NECAB2: variants seen among roughly 807,000 people sequenced by gnomAD.
NECAB2 encodes N-terminal EF-hand calcium-binding protein 2.
In NECAB2, 68 loss-of-function variants were observed where a neutral mutation model predicts 51.9. That is an observed-to-expected ratio of 1.31 (90% confidence interval 1.08 to 1.60). The LOEUF is 1.60. NECAB2 is among the 40% of genes most tolerant of loss of function. NECAB2 has a pLI of 0.00. For missense variants in NECAB2, 854 were observed against 490.3 expected (o/e 1.74, Z -7.00); for synonymous variants, 329 against 203.5 (o/e 1.62, Z -5.25).
At chr16:83,989,618 A>G (rs976885252) in intron 5 of NECAB2, among the ~76,000 whole-genome samples, 1 of 152,130 alleles carries the variant, frequency 6.6e-6, no homozygotes, top group Non-Finnish European at 1.5e-5. Context: ...TGGGAGACCC[A>G]AGATCCCCCA....
chr16:84,001,849 G>C lies in NECAB2; in HGVS notation c.1065G>C (p.Lys355Asn). 2.5e-6 allele frequency: 4 copies of C among 1,614,138 alleles called. No individual in the cohort carries two copies. Among genetic ancestry groups the C allele is most frequent in the Non-Finnish European group, 3.4e-6 (4 of 1,179,990 alleles). Reference protein sequence around the residue: ...WKRHLQSPLCKAFRHVKVDTL... With the variant: ...WKRHLQSPLCNAFRHVKVDTL... ...GGCACCTGCAGAGCCCCCTGTGTAAGGCGTTCCGGCACGTCAAGGTGGACA... is the reference window on the plus strand; with the variant it reads ...GGCACCTGCAGAGCCCCCTGTGTAACGCGTTCCGGCACGTCAAGGTGGACA... Residue 355 changes from lysine (K) to asparagine (N), a missense_variant, in exon 12 of 13, where the codon AAG (lysine) becomes AAC (asparagine). Coordinates refer to ENST00000305202, the MANE Select transcript of NECAB2 (RefSeq NM_019065.3).
chr16:83,994,519 G>T, intron 7 of NECAB2, 90 bp from the exon 8 acceptor site: 1 of 1,595,046 alleles, frequency 6.3e-7, no homozygotes, highest in East Asian at 2.2e-5. Context: ...CAAGTTTGAT[G>T]CCCCTGGAGG....
chr16:83,995,376 C>T (rs190372759), intron 8 of NECAB2, among the ~76,000 whole-genome samples: 2 of 149,744 alleles, frequency 1.3e-5, no homozygotes, highest in South Asian at 2.1e-4. Flanking sequence ...GCTTAGATTC[C>T]TCCTCTGATA....
chr16:83,998,831 C>T (rs60151904), intron 10 of NECAB2, among the ~76,000 whole-genome samples: 1,702 of 151,162 alleles, frequency 0.011, 18 homozygotes, highest in African/African-American at 0.035. Context: ...ATGTCCAGGG[C>T]GGGGCAAGCG....
intron 1 of NECAB2, chr16:83,971,836 G>A (rs867897499): frequency 4.0e-5 from 21 of 530,734 alleles, no homozygotes; most frequent in Non-Finnish European, 4.7e-5. Flanking sequence ...GTGAAGCCAC[G>A]TGGACTGATG....
intron 2 of NECAB2, among the ~76,000 whole-genome samples, chr16:83,977,956 G>T (rs1453770672): frequency 1.3e-5 from 2 of 152,158 alleles, no homozygotes; most frequent in East Asian, 3.9e-4. Context: ...CTGGTTTTTG[G>T]ATCCACTTCA....
Position 83,994,537 on chromosome 16 carries a change from TG to T in NECAB2, c.716-71del, listed in dbSNP as rs567774766. The T allele has an allele frequency of 8.1e-6, 13 of 1,597,714 alleles. No homozygotes were observed. The South Asian group carries it at 1.4e-4, about 18-fold the overall frequency. ...GTTTGATGCCCCTGGAGGGGCTGGA[TG>T]TTTCCAGCTTCCCCCCGAAGCCCTC... is the stretch of plus-strand genomic sequence containing the variant. On this transcript the variant is annotated intron_variant, in intron 7 of 12. Coordinates refer to ENST00000305202, the MANE Select transcript of NECAB2 (RefSeq NM_019065.3).
chr16:83,998,834 G>A (rs995621483), intron 10 of NECAB2, among the ~76,000 whole-genome samples: 3 of 151,664 alleles, frequency 2.0e-5, no homozygotes, highest in Admixed American at 6.6e-5. Context: ...TCCAGGGCGG[G>A]GCAAGCGGCC....
intron 10 of NECAB2, among the ~76,000 whole-genome samples, chr16:84,000,101 A>T: frequency 6.6e-6 from 1 of 151,640 alleles, no homozygotes; most frequent in Non-Finnish European, 1.5e-5. Flanking sequence ...CATGTTGGCT[A>T]GGCTGGTCTT....
intron 5 of NECAB2, among the ~76,000 whole-genome samples, chr16:83,984,058 C>G (rs956200784): frequency 1.4e-5 from 2 of 148,042 alleles, no homozygotes; most frequent in Non-Finnish European, 3.0e-5. Context: ...TGCAGTGGCA[C>G]AGTCCCAGCT....
In NECAB2 at chr16:83,968,668, G is replaced by A. The variant is rs963845984; in HGVS notation, c.20G>A (p.Arg7His). MCERAA[R>H]LCRAGAHRLL... ...GGCGCGATGTGCGAGCGGGCGGCGC[G>A]CCTGTGCAGGGCCGGCGCGCACAGG... Residue 7 changes from arginine to histidine, a missense_variant, in exon 1 of 13, where the codon CGC becomes CAC. By Grantham distance (29) the Arg-to-His change is conservative (BLOSUM62 0). Transcript: ENST00000305202. 5.1e-6 allele frequency: 5 copies of A among 983,858 alleles called. No homozygotes were observed. The African/African-American group carries it at 7.1e-5, about 14-fold the overall frequency. The allele number at this position is 983,858 out of a possible 1,614,324, so 60.9% of individuals were successfully genotyped here. A position where few individuals can be genotyped will look rare whatever the true frequency, so the allele number is the denominator to read the frequency against.
chr16:83,965,291 C>T (rs778309063), upstream of NECAB2: 14 of 1,600,850 alleles, frequency 8.7e-6, no homozygotes, highest in South Asian at 3.3e-5. Flanking sequence ...GCTGTGGGCC[C>T]GCAACGTGGT....
At position 84,002,466 on chromosome 16, in the gene NECAB2, A is replaced by C. The variant is rs1223150401; in HGVS notation, c.*120A>C. 1 of 1,344,326 alleles carries C rather than the reference A, an allele frequency of 7.4e-7. No individual in the cohort carries two copies. 83.3% of individuals were successfully genotyped at this position (1,344,326 alleles called of 1,614,324 possible). ...TTCTTTTCAATCCATCCTCCACAAG[A>C]AGGTGTTTCCCTGTTGTTAAGTGAA... On this transcript the variant is annotated 3_prime_UTR_variant, in exon 13 of 13. Coordinates refer to ENST00000305202, the MANE Select transcript of NECAB2 (RefSeq NM_019065.3).
chr16:83,983,774 C>T (rs2084517532), intron 5 of NECAB2, among the ~76,000 whole-genome samples: 1 of 152,000 alleles, frequency 6.6e-6, no homozygotes, highest in African/African-American at 2.4e-5. Flanking sequence ...CGGATGATAG[C>T]TTGGGAATGA....
Position 83,980,850 on chromosome 16 carries a change from C to G in NECAB2, c.347C>G (p.Thr116Ser), listed in dbSNP as rs947551494. 2 of 1,598,138 alleles carry G rather than the reference C, an allele frequency of 1.3e-6. No individual in the cohort carries two copies. The highest frequency in any genetic ancestry group is 1.1e-5 in the South Asian group (1 of 89,340). ...IDSDNTNHVD[T>S]KELCDYFVDH... Reference sequence around the variant, plus strand: ...GTCTGTCTCTGCAGCCATGTGGACACCAAGGAGCTGTGTGGTAGGTGCCTG... The same window carrying G: ...GTCTGTCTCTGCAGCCATGTGGACAGCAAGGAGCTGTGTGGTAGGTGCCTG... Residue 116 changes from threonine (T) to serine (S), a missense_variant, in exon 4 of 13, where the codon ACC (threonine) becomes AGC (serine). Thr to Ser is a moderately conservative substitution (Grantham distance 58). Coordinates refer to ENST00000305202, the MANE Select transcript of NECAB2 (RefSeq NM_019065.3).
At chr16:83,987,779 A>C (rs1266152554) in intron 5 of NECAB2, among the ~76,000 whole-genome samples, 2 of 152,208 alleles carry the variant, frequency 1.3e-5, no homozygotes, top group African/African-American at 4.8e-5. Context: ...CATATTTTGC[A>C]CTATTTCTTG....
chr16:83,980,736 C>A, intron 3 of NECAB2, 103 bp from the exon 4 acceptor site: 2 of 1,444,236 alleles, frequency 1.4e-6, no homozygotes, highest in South Asian at 1.2e-5. Context: ...AGCACACAGG[C>A]TGCAAAGAGC....
At chr16:83,986,359 G>T (rs892999271) in intron 5 of NECAB2, among the ~76,000 whole-genome samples, 7 of 152,198 alleles carry the variant, frequency 4.6e-5, no homozygotes, top group Non-Finnish European at 1.0e-4. Context: ...GTAAGATACT[G>T]GAACTGGCTC....
chr16:83,997,208 T>G lies in NECAB2; in HGVS notation c.796-8T>G. On this transcript the variant is annotated splice_region_variant and splice_polypyrimidine_tract_variant and intron_variant, in intron 8 of 12. Transcript: ENST00000305202. ...GGTCTAGCATCACTGTGTGCTGGAT[T>G]GTTTCAGGCACTGTGGTTCGACCTG... 1 of 1,614,100 alleles carries G rather than the reference T, an allele frequency of 6.2e-7. No individual in the cohort carries two copies. The highest frequency in any genetic ancestry group is 8.5e-7 in the Non-Finnish European group (1 of 1,180,020).
Sources: allele counts gnomAD v4.1 joint callset (sites outside exome capture counted in the v4.1 genomes callset), GRCh38; gene constraint gnomAD v4.1.1; transcripts MANE v1.5; gene names NCBI Gene and HGNC (gene_info 2026-07-23, HGNC 2026-07-21).